ARHGAP18: variants seen among roughly 807,000 people sequenced by gnomAD.
ARHGAP18 encodes rho GTPase-activating protein 18.
Under a neutral mutation model 86.2 loss-of-function variants are expected in ARHGAP18, and 67 were observed. The ratio of observed to expected loss-of-function variants is 0.78; its 90% CI spans 0.64 to 0.95. The LOEUF is 0.95. Ranked by LOEUF, ARHGAP18 falls within the 40% of genes least tolerant of loss-of-function variation. The pLI, the probability that ARHGAP18 is intolerant of heterozygous loss-of-function variation, is 0.00. For synonymous variants in ARHGAP18, 283 were observed against 280.4 expected (o/e 1.01, Z -0.09); for missense variants, 691 against 780.4 (o/e 0.89, Z 1.37).
intron 10 of ARHGAP18, 37 bp downstream of exon 10, chr6:129,605,840 T>C: frequency 6.4e-7 from 1 of 1,552,278 alleles, no homozygotes; most frequent in East Asian, 2.2e-5. Context: ...CTGTGCTTAC[T>C]TCTAAGGGAT....
intron 1 of ARHGAP18, among the ~76,000 whole-genome samples, chr6:129,693,714 A>T (rs917381992): frequency 6.6e-6 from 1 of 152,180 alleles, no homozygotes; most frequent in African/African-American, 2.4e-5. Context: ...ACTGAGGTTC[A>T]AACCAAAGCT....
chr6:129,589,653 C>G (rs1788471399), intron 12 of ARHGAP18, among the ~76,000 whole-genome samples: 1 of 152,186 alleles, frequency 6.6e-6, no homozygotes, highest in Admixed American at 6.6e-5. Context: ...TCCAAAATCA[C>G]TTCCACATTT....
intron 1 of ARHGAP18, among the ~76,000 whole-genome samples, chr6:129,682,038 C>A (rs562570281): frequency 6.6e-6 from 1 of 152,298 alleles, no homozygotes; most frequent in African/African-American, 2.4e-5. Flanking sequence ...TGTGCCAACA[C>A]ACTGTAATTA....
chr6:129,612,481 C>T (rs1237843866), intron 7 of ARHGAP18, among the ~76,000 whole-genome samples: 1 of 152,234 alleles, frequency 6.6e-6, no homozygotes, highest in Non-Finnish European at 1.5e-5. Flanking sequence ...AAAAGACAGA[C>T]CTATTCTTCA....
At chr6:129,679,669 G>A (rs984435761) in intron 1 of ARHGAP18, among the ~76,000 whole-genome samples, 2 of 152,222 alleles carry the variant, frequency 1.3e-5, no homozygotes, top group African/African-American at 4.8e-5. Context: ...ACAACAGGGT[G>A]TTCTTTCATG....
rs115456662 is a variant in ARHGAP18 at position 129,621,278 on chromosome 6, G to A, written c.787-2426C>T. On this transcript the variant is annotated intron_variant, in intron 5 of 14. Transcript: ENST00000368149. ...TCGTAAAACCTATGACTTTTAGTAAGTGAGAAACTAATTCCCTTTAAGCAA... is the reference window on the plus strand; with the variant it reads ...TCGTAAAACCTATGACTTTTAGTAAATGAGAAACTAATTCCCTTTAAGCAA... Among the ~76,000 whole-genome samples the A allele has an allele frequency of 7.0e-3, 1,071 of 152,266 alleles. 20 individuals are homozygous for A. Among genetic ancestry groups the A allele is most frequent in the African/African-American group, 0.025 (1,029 of 41,540 alleles).
intron 12 of ARHGAP18, among the ~76,000 whole-genome samples, chr6:129,598,475 AG>A (rs1788665123): frequency 6.6e-6 from 1 of 152,204 alleles, no homozygotes; most frequent in South Asian, 2.1e-4. Flanking sequence ...TGGTGGTAGT[AG>A]GGAGGAGGTG....
chr6:129,696,371 G>A (rs906306312), intron 1 of ARHGAP18, among the ~76,000 whole-genome samples: 4 of 152,160 alleles, frequency 2.6e-5, no homozygotes, highest in Non-Finnish European at 4.4e-5. Context: ...CTTTAAAAGA[G>A]TGTCTCGTTT....
Position 129,706,842 on chromosome 6 carries a change from T to A in ARHGAP18, c.113+3182A>T, listed in dbSNP as rs1034486202. 2.3e-5 allele frequency among the ~76,000 whole-genome samples: 3 copies of A among 132,876 alleles called. No individual in the cohort carries two copies. The East Asian group carries it at 6.7e-4, about 30-fold the overall frequency. 87.2% of individuals were successfully genotyped at this position (132,876 alleles called of 152,430 possible). On this transcript the variant is annotated intron_variant, in intron 1 of 14. Transcript: ENST00000368149. ...CGGAGGTTGCAGTGAGCCCAGATCGTGCCACGGCATTCCAGCCTGGGTGAC... is the reference window on the plus strand; with the variant it reads ...CGGAGGTTGCAGTGAGCCCAGATCGAGCCACGGCATTCCAGCCTGGGTGAC...
chr6:129,650,537 C>A (rs546496535), intron 1 of ARHGAP18, among the ~76,000 whole-genome samples: 2 of 152,278 alleles, frequency 1.3e-5, no homozygotes, highest in East Asian at 3.9e-4. Context: ...ATTGGAGATA[C>A]AACTCAACAA....
intron 5 of ARHGAP18, among the ~76,000 whole-genome samples, chr6:129,619,563 G>A (rs577424813): frequency 1.9e-5 from 2 of 103,638 alleles, no homozygotes; most frequent in Admixed American, 9.5e-5. Flanking sequence ...AGGGGAGTGG[G>A]CAAGGGGAGA....
intron 5 of ARHGAP18, among the ~76,000 whole-genome samples, chr6:129,619,637 TG>T (rs1425127496): frequency 1.6e-3 from 36 of 22,412 alleles, no homozygotes; most frequent in African/African-American, 4.4e-3. Context: ...GGGAAGGGGA[TG>T]GGGGAGGGGG....
intron 6 of ARHGAP18, 143 bp downstream of exon 6, chr6:129,618,544 T>C (rs947779847): frequency 1.6e-4 from 117 of 750,644 alleles, no homozygotes; most frequent in Non-Finnish European, 2.1e-4. Context: ...GAAGGCAACA[T>C]CTTAGAATAT....
chr6:129,659,291 T>A (rs6569617), intron 1 of ARHGAP18, among the ~76,000 whole-genome samples: 1 of 151,876 alleles, frequency 6.6e-6, no homozygotes, highest in African/African-American at 2.4e-5. Flanking sequence ...AGACAATTGC[T>A]GTCATTCCTT....
At chr6:129,674,671 G>A (rs1470163656) in intron 1 of ARHGAP18, among the ~76,000 whole-genome samples, 1 of 152,180 alleles carries the variant, frequency 6.6e-6, no homozygotes, top group African/African-American at 2.4e-5. Context: ...CTATACAGGA[G>A]GATGTGCATA....
intron 1 of ARHGAP18, among the ~76,000 whole-genome samples, chr6:129,681,225 G>A (rs181546734): frequency 4.6e-5 from 7 of 152,212 alleles, no homozygotes; most frequent in Admixed American, 3.3e-4. Context: ...CTACAGGCAC[G>A]CACTGCCATG....
At chr6:129,598,046 AAAGAC>A (rs1788655345) in intron 12 of ARHGAP18, among the ~76,000 whole-genome samples, 1 of 152,144 alleles carries the variant, frequency 6.6e-6, no homozygotes. Flanking sequence ...TGCCCTATAA[AAAGAC>A]AAGACTATAA....
chr6:129,661,396 T>C (rs1347374399), intron 1 of ARHGAP18, among the ~76,000 whole-genome samples: 2 of 151,296 alleles, frequency 1.3e-5, no homozygotes, highest in Non-Finnish European at 2.9e-5. Flanking sequence ...TATGGGATGA[T>C]GAATATAAAA....
At chr6:129,610,863 G>A (rs759294531) in intron 8 of ARHGAP18, among the ~76,000 whole-genome samples, 3 of 151,982 alleles carry the variant, frequency 2.0e-5, no homozygotes, top group East Asian at 1.9e-4. Flanking sequence ...TTCTGACCTC[G>A]TGATCCGCCC....
Sources: gnomAD v4.1 joint callset for allele counts (sites outside exome capture counted in the v4.1 genomes callset) on GRCh38, gnomAD v4.1.1 for gene constraint, MANE v1.5 for transcripts, NCBI Gene and HGNC (gene_info 2026-07-23, HGNC 2026-07-21) for gene names.